The following NEK1 variants were observed in gnomAD, a reference collection of about 807,000 sequenced individuals.
NEK1 encodes the protein NIMA related kinase 1.
Under a neutral mutation model 182.1 loss-of-function variants are expected in NEK1, and 137 were observed. The ratio of observed to expected loss-of-function variants is 0.75; its 90% confidence interval spans 0.65 to 0.87. The LOEUF (loss-of-function observed/expected upper bound fraction) is 0.87, where lower values mean the gene tolerates loss of function less well. Among genes scored for constraint, NEK1 ranks in the 40% least tolerant of loss-of-function variants. NEK1 has a pLI of 0.00. For synonymous variants in NEK1, 513 were observed against 492.2 expected, an observed-to-expected ratio of 1.04 and a Z score of -0.56; for missense variants, 1,391 against 1,494.4, an observed-to-expected ratio of 0.93 and a Z score of 1.14.
At position 169,393,105 on chromosome 4, in the gene NEK1, A is replaced by C. The variant is rs1409381240; in HGVS notation, c.*1405T>G. The C allele has an allele frequency of 1.3e-5, 2 of 152,182 alleles. No homozygotes were observed. The highest frequency in any genetic ancestry group is 1.3e-4 in the Admixed American group (2 of 15,276). The allele number at this position is 152,182 out of a possible 1,614,324, so 9.4% of individuals were successfully genotyped here. A position where few individuals can be genotyped will look rare whatever the true frequency, so the allele number is the denominator to read the frequency against. The stretch of plus-strand genomic sequence containing the variant: ...AAGAATTAATACACAACCTCCCCAA[A>C]ATCATGCCCATCTTTCAGGATTGTA... On this transcript the variant is annotated 3_prime_UTR_variant, in exon 36 of 36. Coordinates refer to ENST00000507142, the MANE Select transcript of NEK1 (RefSeq NM_001199397.3).
chr4:169,567,309 A>ATT (rs1417239490), intron 12 of NEK1, among the ~76,000 whole-genome samples: 2 of 152,094 alleles, frequency 1.3e-5, no homozygotes, highest in East Asian at 3.9e-4. Context: ...ATAAAACAAA[A>ATT]TTTATCATTT....
At chr4:169,599,284 A>G (rs1770083053) in intron 4 of NEK1, 87 bp from the exon 5 acceptor site, 2 of 964,674 alleles carry the variant, frequency 2.1e-6, no homozygotes, top group African/African-American at 1.6e-5. Flanking sequence ...CTTACTAAAA[A>G]GCAGCTGCTG....
intron 12 of NEK1, among the ~76,000 whole-genome samples, chr4:169,570,612 G>A (rs1024464375): frequency 7.3e-5 from 11 of 151,280 alleles, no homozygotes; most frequent in Admixed American, 6.6e-5. Context: ...GGGTGCCTCT[G>A]CCCGGCCGCC....
intron 10 of NEK1, among the ~76,000 whole-genome samples, chr4:169,584,338 G>T (rs373828755): frequency 6.6e-6 from 1 of 152,112 alleles, no homozygotes; most frequent in Non-Finnish European, 1.5e-5. Context: ...TAGGCCAGGC[G>T]TGGTGGCTCA....
intron 23 of NEK1, among the ~76,000 whole-genome samples, chr4:169,489,127 C>T (rs919050703): frequency 1.1e-4 from 16 of 152,162 alleles, no homozygotes; most frequent in Non-Finnish European, 2.9e-5. Context: ...TTTCCTTATG[C>T]ACAGCTCTGG....
In NEK1 at chr4:169,400,242, T is replaced by C. The variant is rs1157065841; in HGVS notation, c.3830A>G (p.Asp1277Gly). The change falls in exon 35 of 36, where the codon GAT (aspartate) becomes GGT (glycine). Residue 1277 changes from aspartate to glycine, a missense_variant. Around this residue, in one of 5 missense-constraint regions of NEK1, gnomAD observed 1,216 missense variants for 1,277.6 expected, o/e 0.95. Transcript: ENST00000507142. ...AATCTTACCTTCTTGGTAGGCTCCATCTGCCATGACTAAATGAAGAATCTT... is the reference window on the plus strand; with the variant it reads ...AATCTTACCTTCTTGGTAGGCTCCACCTGCCATGACTAAATGAAGAATCTT... ...YAKILHLVMA[D>G]GAYQEDNDE 1.9e-6 allele frequency: 3 copies of C among 1,580,360 alleles called. No homozygotes were observed. The highest frequency in any genetic ancestry group is 2.6e-6 in the Non-Finnish European group (3 of 1,160,676).
chr4:169,566,264 AT>A (rs1377178726), intron 12 of NEK1, among the ~76,000 whole-genome samples: 1 of 152,344 alleles, frequency 6.6e-6, no homozygotes, highest in African/African-American at 2.4e-5. Flanking sequence ...AAAGGCCAAG[AT>A]TGTATTCATC....
At chr4:169,558,311 A>G (rs1762434039) in intron 16 of NEK1, among the ~76,000 whole-genome samples, 1 of 152,236 alleles carries the variant, frequency 6.6e-6, no homozygotes, top group Non-Finnish European at 1.5e-5. Context: ...TTTATGTACA[A>G]TAAAAATTCA....
chr4:169,393,515 G>A lies in NEK1; in HGVS notation c.*995C>T, dbSNP rs1458067995. On this transcript the variant is annotated 3_prime_UTR_variant, in exon 36 of 36. Coordinates refer to ENST00000507142, the MANE Select transcript of NEK1 (RefSeq NM_001199397.3). The stretch of plus-strand genomic sequence containing the variant: ...CATCTGGACTGTAGACACCTCTAAC[G>A]AAACCAGGTTATACTTGGCATATTG... 6.6e-6 allele frequency: 1 copy of A among 152,154 alleles called. No individual in the cohort carries two copies. The highest frequency in any genetic ancestry group is 2.1e-4 in the South Asian group (1 of 4,830). The allele number at this position is 152,154 out of a possible 1,614,324, so 9.4% of individuals were successfully genotyped here. A position where few individuals can be genotyped will look rare whatever the true frequency, so the allele number is the denominator to read the frequency against.
chr4:169,441,095 T>C (rs765817229), intron 27 of NEK1, among the ~76,000 whole-genome samples: 2 of 152,136 alleles, frequency 1.3e-5, no homozygotes, highest in Non-Finnish European at 2.9e-5. Context: ...CATACAGTCC[T>C]ACACCACAGG....
At chr4:169,490,823 C>G (rs1749919178) in intron 23 of NEK1, among the ~76,000 whole-genome samples, 1 of 151,904 alleles carries the variant, frequency 6.6e-6, no homozygotes, top group Non-Finnish European at 1.5e-5. Flanking sequence ...ATGAAAGGAA[C>G]AAATGTCACA....
rs751005937 is a variant in NEK1, at chr4:169,507,157, A to G, written c.1912-25T>C. 4 of 1,382,718 alleles carry G rather than the reference A, an allele frequency of 2.9e-6. No homozygotes were observed. The East Asian group carries it at 7.0e-5, about 24-fold the overall frequency. The allele number at this position is 1,382,718 out of a possible 1,614,324, so 85.7% of individuals were successfully genotyped here. A position where few individuals can be genotyped will look rare whatever the true frequency, so the allele number is the denominator to read the frequency against. On this transcript the variant is annotated intron_variant, in intron 22 of 35. Transcript: ENST00000507142. ...CCTAAAAATAAAAACAATTAACAAAATGAGTTACCAGAAAGAAGGGCAGAG... is the reference window on the plus strand; with the variant it reads ...CCTAAAAATAAAAACAATTAACAAAGTGAGTTACCAGAAAGAAGGGCAGAG...
chr4:169,563,974 T>C (rs1763319137), intron 12 of NEK1, among the ~76,000 whole-genome samples: 2 of 152,188 alleles, frequency 1.3e-5, no homozygotes, highest in Admixed American at 6.5e-5. Flanking sequence ...AAATGCCTGA[T>C]TTTCCCCTTT....
chr4:169,419,593 C>A (rs71622340), intron 31 of NEK1, among the ~76,000 whole-genome samples: 2,150 of 152,116 alleles, frequency 0.014, 22 homozygotes, highest in Non-Finnish European at 0.02. Flanking sequence ...AACAATACCA[C>A]GAAGGACAGG....
chr4:169,494,284 T>G (rs1415561582), intron 23 of NEK1, among the ~76,000 whole-genome samples: 1 of 152,116 alleles, frequency 6.6e-6, no homozygotes, highest in East Asian at 1.9e-4. Flanking sequence ...GTGTGTGATG[T>G]TCCCCTTCCT....
intron 2 of NEK1, among the ~76,000 whole-genome samples, chr4:169,603,185 A>G (rs934707792): frequency 6.6e-6 from 1 of 152,200 alleles, no homozygotes; most frequent in Non-Finnish European, 1.5e-5. Flanking sequence ...ATGTTACAGT[A>G]TGGCTTTCAA....
intron 27 of NEK1, among the ~76,000 whole-genome samples, chr4:169,442,727 G>A (rs991274681): frequency 2.0e-5 from 3 of 152,152 alleles, no homozygotes; most frequent in African/African-American, 7.2e-5. Context: ...ATTCAACATA[G>A]ATATCATTAA....
At chr4:169,486,060 C>CAAAACA (rs5863998) in intron 23 of NEK1, among the ~76,000 whole-genome samples, 7 of 151,672 alleles carry the variant, frequency 4.6e-5, no homozygotes, top group African/African-American at 1.5e-4. Context: ...CAAAACAAAA[C>CAAAACA]AAACAAAGCA....
chr4:169,580,355 G>A (rs1356610461), intron 11 of NEK1, among the ~76,000 whole-genome samples: 2 of 151,778 alleles, frequency 1.3e-5, no homozygotes, highest in East Asian at 3.9e-4. Flanking sequence ...AAAATTAGCT[G>A]GGCTTGGTGG....
Sources: gnomAD v4.1 joint callset for allele counts (sites outside exome capture counted in the v4.1 genomes callset) on GRCh38, gnomAD v4.1.1 for gene constraint, gnomAD v4.1.1 regional missense constraint, MANE v1.5 for transcripts, NCBI Gene and HGNC (gene_info 2026-07-23, HGNC 2026-07-21) for gene names.